Variants in LUZP2 observed in about 807,000 individuals in gnomAD.
LUZP2 encodes the protein leucine zipper protein 2.
In LUZP2, 52 loss-of-function variants were observed where a neutral mutation model predicts 51.6. The ratio of observed to expected loss-of-function variants is 1.01; its 90% CI spans 0.81 to 1.27. LUZP2 has a LOEUF of 1.27. Ranked by LOEUF, LUZP2 falls within the 50% of genes most tolerant of loss-of-function variation. LUZP2 has a pLI of 0.00. For synonymous variants in LUZP2, 154 were observed against 137.3 expected (o/e 1.12, Z -0.85); for missense variants, 436 against 395.4 (o/e 1.10, Z -0.87).
intron 1 of LUZP2, among the ~76,000 whole-genome samples, chr11:24,568,857 T>C (rs1852334113): frequency 6.6e-6 from 1 of 152,078 alleles, no homozygotes; most frequent in South Asian, 2.1e-4. Flanking sequence ...TAGCCGTTGC[T>C]TCTTTGAAAT....
chr11:24,906,532 AG>A (rs147851577), intron 6 of LUZP2, among the ~76,000 whole-genome samples: 7,501 of 152,136 alleles, frequency 0.049, 463 homozygotes, highest in African/African-American at 0.14. Flanking sequence ...TATATTTCTC[AG>A]GGGGAAATGT....
intron 4 of LUZP2, chr11:24,762,939 A>T (rs1860034534): frequency 1.1e-6 from 1 of 947,338 alleles, no homozygotes; most frequent in Non-Finnish European, 1.3e-6. Context: ...TTTTTAAAGA[A>T]CCACATTTTT....
chr11:24,800,317 G>A (rs1345036319), intron 5 of LUZP2, among the ~76,000 whole-genome samples: 1 of 152,066 alleles, frequency 6.6e-6, no homozygotes, highest in Middle Eastern at 3.2e-3. Flanking sequence ...TGCCACGCTA[G>A]ATTGTCTGTC....
chr11:24,531,039 T>TTTTTTATTATTATTATTATTA (rs547008686), intron 1 of LUZP2, among the ~76,000 whole-genome samples: 1 of 144,898 alleles, frequency 6.9e-6, no homozygotes, highest in African/African-American at 2.6e-5. Flanking sequence ...TTTAGCCTCT[T>TTTTTTATTATTATTATTATTA]TTATTATTAT....
At chr11:24,907,753 A>G (rs1243887975) in intron 6 of LUZP2, among the ~76,000 whole-genome samples, 1 of 152,196 alleles carries the variant, frequency 6.6e-6, no homozygotes, top group African/African-American at 2.4e-5. Context: ...TGGTGCACAG[A>G]AGTAAAAATG....
At chr11:24,850,264 G>T (rs1372172184) in intron 5 of LUZP2, among the ~76,000 whole-genome samples, 2 of 152,038 alleles carry the variant, frequency 1.3e-5, no homozygotes, top group African/African-American at 4.8e-5. Context: ...TAGGTCTTAT[G>T]TTTAAGTGTT....
At chr11:24,719,380 A>G (rs977927823) in intron 1 of LUZP2, among the ~76,000 whole-genome samples, 4 of 152,182 alleles carry the variant, frequency 2.6e-5, no homozygotes, top group Non-Finnish European at 2.9e-5. Flanking sequence ...TGGCCCCAAA[A>G]TATCCATCTT....
intron 5 of LUZP2, among the ~76,000 whole-genome samples, chr11:24,797,600 AGTAGTAGAAATGCTCT>A (rs375965597): frequency 3.3e-5 from 5 of 152,302 alleles, no homozygotes; most frequent in Non-Finnish European, 5.9e-5. Flanking sequence ...TAAACCTGCC[AGTAGTAGAAATGCTCT>A]GTAGTAGAAA....
At chr11:24,941,847 T>C (rs1854758725) in intron 7 of LUZP2, among the ~76,000 whole-genome samples, 1 of 152,058 alleles carries the variant, frequency 6.6e-6, no homozygotes, top group Admixed American at 6.6e-5. Flanking sequence ...ATATAAATAG[T>C]GTGTTACTGT....
At chr11:24,791,388 A>G (rs1209810795) in intron 5 of LUZP2, among the ~76,000 whole-genome samples, 1 of 152,144 alleles carries the variant, frequency 6.6e-6, no homozygotes, top group Non-Finnish European at 1.5e-5. Flanking sequence ...TATACCTTTT[A>G]TGGAATAGGA....
chr11:25,026,902 A>G (rs1228624275), intron 9 of LUZP2, among the ~76,000 whole-genome samples: 1 of 114,936 alleles, frequency 8.7e-6, no homozygotes, highest in Non-Finnish European at 2.0e-5. Context: ...TTATTTTTTT[A>G]TTATTATACT....
At chr11:25,014,148 A>C (rs973861629) in intron 9 of LUZP2, among the ~76,000 whole-genome samples, 3 of 152,120 alleles carry the variant, frequency 2.0e-5, no homozygotes, top group African/African-American at 7.2e-5. Context: ...CCAGTCTATC[A>C]TTGTTGGACA....
intron 5 of LUZP2, among the ~76,000 whole-genome samples, chr11:24,875,520 G>A (rs1406125390): frequency 7.0e-6 from 1 of 142,990 alleles, no homozygotes; most frequent in African/African-American, 2.6e-5. Flanking sequence ...CATTTGGGTT[G>A]GTTCCAAGTC....
chr11:24,724,530 C>T (rs1377842944), intron 1 of LUZP2, among the ~76,000 whole-genome samples: 3 of 152,136 alleles, frequency 2.0e-5, no homozygotes, highest in African/African-American at 7.2e-5. Context: ...GAGATCATGC[C>T]ACTGTACTCC....
intron 5 of LUZP2, among the ~76,000 whole-genome samples, chr11:24,818,388 G>A (rs1850250649): frequency 6.6e-6 from 1 of 151,990 alleles, no homozygotes; most frequent in African/African-American, 2.4e-5. Flanking sequence ...GCTAACAAAT[G>A]GGTTTTTAGA....
chr11:24,952,144 A>G (rs886169170), intron 7 of LUZP2, among the ~76,000 whole-genome samples: 2 of 151,746 alleles, frequency 1.3e-5, no homozygotes, highest in African/African-American at 4.8e-5. Flanking sequence ...GCCTTATTAT[A>G]AAAAAAGAAC....
rs574639848 is a variant in LUZP2, at chr11:24,960,145, G to A, written c.523-16446G>A. Among the ~76,000 whole-genome samples the A allele has an allele frequency of 4.2e-3, 645 of 152,112 alleles. 6 individuals are homozygous for A. Among genetic ancestry groups the A allele is most frequent in the African/African-American group, 0.014 (594 of 41,496 alleles). On this transcript the variant is annotated intron_variant, in intron 7 of 11. Transcript: ENST00000336930. ...AGCTTTTTGATGTGCTGCTGGATTC[G>A]GTTTGCCAGTATTTTATTGAGGATT...
At chr11:25,070,858 AAAACTTTCCTATTGCCCTTC>A (rs1166260077) in intron 10 of LUZP2, among the ~76,000 whole-genome samples, 3 of 151,200 alleles carry the variant, frequency 2.0e-5, no homozygotes, top group African/African-American at 2.4e-5. Flanking sequence ...AAAATAAGAA[AAAACTTTCCTATTGCCCTTC>A]AAACTTTCCT....
intron 1 of LUZP2, among the ~76,000 whole-genome samples, chr11:24,659,777 C>T (rs574402429): frequency 2.2e-4 from 34 of 152,028 alleles, no homozygotes; most frequent in African/African-American, 8.2e-4. Context: ...TAGTGTATTG[C>T]ATATAATATG....
Sources: allele counts gnomAD v4.1 joint callset (sites outside exome capture counted in the v4.1 genomes callset), GRCh38; gene constraint gnomAD v4.1.1; transcripts MANE v1.5; gene names NCBI Gene and HGNC (gene_info 2026-07-23, HGNC 2026-07-21).